Variants in IPO11 observed in about 807,000 individuals in gnomAD.
IPO11 encodes importin-11.
In IPO11, 66 loss-of-function variants were observed where a neutral mutation model predicts 143.2. The observed-to-expected ratio is 0.46, with a 90% CI of 0.38 to 0.57. The LOEUF (loss-of-function observed/expected upper bound fraction) is 0.57. Ranked by LOEUF, IPO11 falls within the 20% of genes least tolerant of loss-of-function variation. IPO11 has a pLI of 0.00. For synonymous variants in IPO11, 385 were observed against 377.8 expected, an observed-to-expected ratio of 1.02 and a Z score of -0.22; for missense variants, 1,026 against 1,141.0, an observed-to-expected ratio of 0.90 and a Z score of 1.45.
chr5:62,603,946 A>G (rs1418349830), intron 29 of IPO11, among the ~76,000 whole-genome samples: 1 of 152,164 alleles, frequency 6.6e-6, no homozygotes, highest in African/African-American at 2.4e-5. Context: ...ATACACAGAT[A>G]CTACTTGGTT....
intron 16 of IPO11, among the ~76,000 whole-genome samples, chr5:62,496,900 A>G (rs930784118): frequency 1.3e-5 from 2 of 152,252 alleles, no homozygotes; most frequent in Non-Finnish European, 1.5e-5. Flanking sequence ...TCACACGGCT[A>G]TCAGAGGTAA....
At chr5:62,443,194 C>T in intron 3 of IPO11, 111 bp downstream of exon 3, 1 of 590,982 alleles carries the variant, frequency 1.7e-6, no homozygotes, top group Non-Finnish European at 2.9e-6. Flanking sequence ...TTCTGCAGCA[C>T]ATATACTAAA....
At position 62,474,426 on chromosome 5, in the gene IPO11, A is replaced by T; in HGVS notation, c.719A>T (p.His240Leu). 1.9e-6 allele frequency: 3 copies of T among 1,559,766 alleles called. No homozygotes were observed. Among genetic ancestry groups the T allele is most frequent in the Non-Finnish European group, 2.6e-6 (3 of 1,151,842 alleles). The change falls in exon 8 of 30, where the codon CAT (histidine) becomes CTT (leucine). Residue 240 changes from histidine to leucine, a missense_variant. By Grantham distance (99) the His-to-Leu change is moderately conservative. This residue lies in a region of IPO11 where 429 missense variants were observed against 456.3 expected (regional missense o/e 0.94). Coordinates refer to ENST00000325324, the MANE Select transcript of IPO11 (RefSeq NM_016338.5). ...HKNMEVMGFL[H>L]GIFERLKQFL... Reference sequence around the variant, plus strand: ...AATATTCTTTTCTAGGGTTTTTTACATGGAATATTTGAACGTCTAAAACAG... The same window carrying T: ...AATATTCTTTTCTAGGGTTTTTTACTTGGAATATTTGAACGTCTAAAACAG...
chr5:62,514,165 A>G (rs536582756), intron 19 of IPO11, among the ~76,000 whole-genome samples: 1 of 150,368 alleles, frequency 6.7e-6, no homozygotes, highest in Non-Finnish European at 1.5e-5. Context: ...CCAGGCAGAG[A>G]CGCTCCTCAC....
chr5:62,443,241 T>C, intron 3 of IPO11, 158 bp downstream of exon 3: 1 of 457,792 alleles, frequency 2.2e-6, no homozygotes, highest in Non-Finnish European at 3.9e-6. Flanking sequence ...ATGGTCTCTG[T>C]GCAAGGATGA....
rs139195186 is a variant in IPO11, at chr5:62,467,253, A to G, written c.639A>G (p.Leu213=). The part of the protein sequence containing the change: ...AILSSLERTL[L]SLKVLRKLTV... ...TGAGTTCACTAGAACGAACACTGCT[A>G]TCATTGAAAGGTACTATTAAGCTTG... is the stretch of plus-strand genomic sequence containing the variant. Residue 213 remains leucine, a synonymous_variant, in exon 6 of 30, where the codon CTA becomes CTG. Transcript: ENST00000325324. 3.2e-4 allele frequency: 521 copies of G among 1,613,354 alleles called. No individual in the cohort carries two copies. Among genetic ancestry groups the G allele is most frequent in the Non-Finnish European group, 4.0e-4 (475 of 1,179,754 alleles).
chr5:62,528,749 A>T (rs1215075716), intron 21 of IPO11, among the ~76,000 whole-genome samples: 1 of 152,186 alleles, frequency 6.6e-6, no homozygotes, highest in Non-Finnish European at 1.5e-5. Context: ...GGGCTGGATT[A>T]GGAGTGTGCA....
intron 13 of IPO11, 113 bp downstream of exon 13, chr5:62,487,974 T>C: frequency 2.3e-6 from 2 of 883,374 alleles, no homozygotes; most frequent in Non-Finnish European, 3.3e-6. Flanking sequence ...ATAATAAATA[T>C]GAATTTGAGA....
chr5:62,503,548 T>G (rs1741434371), intron 16 of IPO11, among the ~76,000 whole-genome samples: 1 of 152,076 alleles, frequency 6.6e-6, no homozygotes, highest in Non-Finnish European at 1.5e-5. Context: ...GTGCCGATGA[T>G]AGTTCCTCAT....
intron 20 of IPO11, among the ~76,000 whole-genome samples, chr5:62,525,328 T>G (rs1373860419): frequency 6.8e-6 from 1 of 147,830 alleles, no homozygotes; most frequent in African/African-American, 2.5e-5. Flanking sequence ...GTTTGAAAAT[T>G]TAAAATTCTG....
intron 20 of IPO11, among the ~76,000 whole-genome samples, chr5:62,520,661 A>T (rs1454918979): frequency 6.6e-6 from 1 of 152,134 alleles, no homozygotes; most frequent in East Asian, 1.9e-4. Flanking sequence ...GTTCAGAATG[A>T]TGGTTTCCAG....
At position 62,471,813 on chromosome 5, in the gene IPO11, G is replaced by A. The variant is rs987478907; in HGVS notation, c.708+1505G>A. Among the ~76,000 whole-genome samples, 9 of 152,192 alleles carry A rather than the reference G, an allele frequency of 5.9e-5. No individual in the cohort carries two copies. The East Asian group carries it at 1.2e-3, about 20-fold the overall frequency. ...TGTACTTACACAATTGTCTGTTGACGGACATACAGGTTCTCAGTTTTTCAT... is the reference window on the plus strand; with the variant it reads ...TGTACTTACACAATTGTCTGTTGACAGACATACAGGTTCTCAGTTTTTCAT... On this transcript the variant is annotated intron_variant, in intron 7 of 29. Coordinates refer to ENST00000325324, the MANE Select transcript of IPO11 (RefSeq NM_016338.5).
At chr5:62,434,676 T>C (rs1009959788) in intron 1 of IPO11, among the ~76,000 whole-genome samples, 1 of 152,100 alleles carries the variant, frequency 6.6e-6, no homozygotes, top group Non-Finnish European at 1.5e-5. Context: ...TCTCAGTATA[T>C]TTAAAAAATA....
intron 6 of IPO11, among the ~76,000 whole-genome samples, chr5:62,469,090 T>G (rs1190060990): frequency 6.6e-6 from 1 of 152,180 alleles, no homozygotes; most frequent in Admixed American, 6.6e-5. Flanking sequence ...CAGAAAAATT[T>G]CCCTGAGAAA....
At chr5:62,491,792 A>C (rs1276727103) in intron 15 of IPO11, among the ~76,000 whole-genome samples, 1 of 148,750 alleles carries the variant, frequency 6.7e-6, no homozygotes, top group Non-Finnish European at 1.5e-5. Flanking sequence ...CAGCCTCCCC[A>C]GTAGCTGGGA....
intron 27 of IPO11, among the ~76,000 whole-genome samples, chr5:62,586,789 A>G (rs1359599357): frequency 7.2e-6 from 1 of 138,252 alleles, no homozygotes; most frequent in Non-Finnish European, 1.6e-5. Context: ...ATATATATAT[A>G]TATATATATA....
Position 62,628,384 on chromosome 5 carries a change from T to C in IPO11, c.*1066T>C, listed in dbSNP as rs771515847. The C allele has an allele frequency of 2.6e-4, 40 of 152,656 alleles. No individual in the cohort carries two copies. Among genetic ancestry groups the C allele is most frequent in the Non-Finnish European group, 5.3e-4 (36 of 68,036 alleles). 9.5% of individuals were successfully genotyped at this position (152,656 alleles called of 1,614,324 possible). On this transcript the variant is annotated 3_prime_UTR_variant, in exon 30 of 30. Transcript: ENST00000325324. ...CTTGCCATTTATTGTAAGGAAACTT[T>C]AAAGCATTTTTTAGGAAATACTCAA...
chr5:62,582,892 T>C (rs1055657305), intron 27 of IPO11, among the ~76,000 whole-genome samples: 1 of 152,146 alleles, frequency 6.6e-6, no homozygotes, highest in Non-Finnish European at 1.5e-5. Flanking sequence ...GTATTTAAAA[T>C]TTTTTCTTAA....
chr5:62,562,084 T>C (rs139469966), intron 27 of IPO11: 2 of 152,404 alleles, frequency 1.3e-5, no homozygotes, highest in Middle Eastern at 3.4e-3. Context: ...AAATTTCTTT[T>C]AGTGCATGGT....
Sources: gnomAD v4.1 joint callset for allele counts (sites outside exome capture counted in the v4.1 genomes callset) on GRCh38, gnomAD v4.1.1 for gene constraint, gnomAD v4.1.1 regional missense constraint, MANE v1.5 for transcripts, NCBI Gene and HGNC (gene_info 2026-07-23, HGNC 2026-07-21) for gene names.